ARHGEF10L: variants seen among roughly 807,000 people sequenced by gnomAD.
ARHGEF10L encodes the protein rho guanine nucleotide exchange factor 10-like protein.
A neutral mutation model predicts 141.2 loss-of-function variants in ARHGEF10L; 69 were observed. That is an observed-to-expected ratio of 0.49 (90% CI 0.40 to 0.60). The LOEUF is 0.60. Among genes scored for constraint, ARHGEF10L ranks in the 20% least tolerant of loss-of-function variants. ARHGEF10L has a pLI of 0.00. For missense variants in ARHGEF10L, 1,482 were observed against 1,734.3 expected (o/e 0.85, Z 2.58); for synonymous variants, 711 against 718.5 (o/e 0.99, Z 0.17).
At chr1:17,566,445 G>A (rs2077759474) in intron 1 of ARHGEF10L, among the ~76,000 whole-genome samples, 1 of 152,196 alleles carries the variant, frequency 6.6e-6, no homozygotes, top group African/African-American at 2.4e-5. Flanking sequence ...ATCCAATACT[G>A]TCTCCCTCCC....
intron 26 of ARHGEF10L, among the ~76,000 whole-genome samples, chr1:17,683,694 G>A (rs11203434): frequency 6.6e-6 from 1 of 152,034 alleles, no homozygotes; most frequent in African/African-American, 2.4e-5. Context: ...TTCCCCCGCC[G>A]GCCTCCCCGC....
At chr1:17,628,784 C>T (rs2060518125) in intron 15 of ARHGEF10L, among the ~76,000 whole-genome samples, 1 of 152,168 alleles carries the variant, frequency 6.6e-6, no homozygotes, top group Non-Finnish European at 1.5e-5. Context: ...GGAAGGAGTA[C>T]CCAGAGGGAG....
chr1:17,616,011 C>G (rs75911665), intron 8 of ARHGEF10L, 83 bp from the exon 9 acceptor site: 5 of 1,183,052 alleles, frequency 4.2e-6, no homozygotes, highest in Non-Finnish European at 1.3e-6. Flanking sequence ...CTCTGCAGGC[C>G]GAGGCCTGGG....
intron 27 of ARHGEF10L, chr1:17,689,723 C>T (rs1466994253): frequency 8.8e-6 from 4 of 453,734 alleles, no homozygotes; most frequent in African/African-American, 6.1e-5. Flanking sequence ...ACTATCTCCA[C>T]ATTTCCTCTG....
Position 17,619,014 on chromosome 1 carries a change from C to T in ARHGEF10L, c.836-325C>T, listed in dbSNP as rs894182845. On this transcript the variant is annotated intron_variant, in intron 9 of 28. Transcript: ENST00000361221. The surrounding 1 kb of genome is among the most constrained non-coding windows in gnomAD (Gnocchi z 5.0). ...CTAGCCTTCGCCAGGCCAGAGCGGG[C>T]GGGCCTGAGCAGGGACAGTGGCTTC... Among the ~76,000 whole-genome samples, 3 of 152,226 alleles carry T rather than the reference C, an allele frequency of 2.0e-5. No homozygotes were observed. The highest frequency in any genetic ancestry group is 1.9e-4 in the East Asian group (1 of 5,198).
chr1:17,514,159 C>T, the ARHGEF10L span, among the ~76,000 whole-genome samples: 5 of 78,116 alleles, frequency 6.4e-5, no homozygotes, highest in Non-Finnish European at 9.1e-5. Context: ...TTTTTTTTGA[C>T]AGAGTCTCGC....
In ARHGEF10L at chr1:17,574,503, G is replaced by A. The variant is rs996235678; in HGVS notation, c.-43-6050G>A. Among the ~76,000 whole-genome samples, 4 of 152,322 alleles carry A rather than the reference G, an allele frequency of 2.6e-5. No homozygotes were observed. The East Asian group carries it at 7.7e-4, about 29-fold the overall frequency. On this transcript the variant is annotated intron_variant, in intron 1 of 28. Coordinates refer to ENST00000361221, the MANE Select transcript of ARHGEF10L (RefSeq NM_018125.4). Reference sequence around the variant, plus strand: ...CATTCATTACAAACCTACCAGTGTTGTCCAATGTCATCTTATTTACACCTG... The same window carrying A: ...CATTCATTACAAACCTACCAGTGTTATCCAATGTCATCTTATTTACACCTG...
Position 17,656,007 on chromosome 1 carries a change from G to C in ARHGEF10L, c.2610G>C (p.Leu870=). The change falls in exon 24 of 29, where the codon CTG becomes CTC. Residue 870 remains leucine, a synonymous_variant. Coordinates refer to ENST00000361221, the MANE Select transcript of ARHGEF10L (RefSeq NM_018125.4). This position sits in a 1 kb window ranked among gnomAD's most constrained non-coding sequence, Gnocchi z 4.9. ...TCTGCATGGAGTATATCCCGGAGCT[G>C]GAGGAGGAGGCGGAGAGCAGAGACG... ...PVLCMEYIPE[L]EEEAESRDES... is the part of the protein sequence containing the mutation. 2.5e-6 allele frequency: 4 copies of C among 1,572,734 alleles called. No individual in the cohort carries two copies. Among genetic ancestry groups the C allele is most frequent in the Non-Finnish European group, 3.5e-6 (4 of 1,158,152 alleles).
At chr1:17,606,390 T>A (rs2081174800) in intron 6 of ARHGEF10L, among the ~76,000 whole-genome samples, 1 of 151,430 alleles carries the variant, frequency 6.6e-6, no homozygotes, top group African/African-American at 2.4e-5. Context: ...GCCTCCCGGG[T>A]TCAAGCAATT....
intron 27 of ARHGEF10L, among the ~76,000 whole-genome samples, chr1:17,692,790 A>T (rs938183032): frequency 3.3e-5 from 5 of 152,102 alleles, no homozygotes; most frequent in African/African-American, 1.2e-4. Context: ...CCTGGCCCTG[A>T]CCCATCCCCT....
chr1:17,674,319 C>T (rs1337324260), intron 26 of ARHGEF10L, among the ~76,000 whole-genome samples: 1 of 152,152 alleles, frequency 6.6e-6, no homozygotes, highest in Non-Finnish European at 1.5e-5. Context: ...AGGTGAAGAC[C>T]GGGATCTTGG....
At chr1:17,629,657 G>A (rs1477164353) in intron 15 of ARHGEF10L, among the ~76,000 whole-genome samples, 1 of 152,180 alleles carries the variant, frequency 6.6e-6, no homozygotes, top group African/African-American at 2.4e-5. Flanking sequence ...TTGGGCATGA[G>A]GGGCAGGGTC....
intron 10 of ARHGEF10L, among the ~76,000 whole-genome samples, chr1:17,620,552 G>T (rs1366407511): frequency 6.6e-6 from 1 of 152,200 alleles, no homozygotes; most frequent in Non-Finnish European, 1.5e-5. Context: ...CAGTGGTCTT[G>T]CCATCTGCTG....
intron 15 of ARHGEF10L, among the ~76,000 whole-genome samples, chr1:17,629,589 C>T (rs114562242): frequency 0.024 from 3,578 of 152,198 alleles, 150 homozygotes; most frequent in African/African-American, 0.082. Flanking sequence ...CTGGGGAAGA[C>T]GAGATGGGGA....
intron 18 of ARHGEF10L, among the ~76,000 whole-genome samples, chr1:17,637,659 C>T (rs996507970): frequency 1.3e-5 from 2 of 152,088 alleles, no homozygotes; most frequent in East Asian, 3.9e-4. Flanking sequence ...CCACCATGCC[C>T]GGCTAATTTT....
At chr1:17,647,796 G>A (rs2061686268) in intron 21 of ARHGEF10L, among the ~76,000 whole-genome samples, 1 of 152,186 alleles carries the variant, frequency 6.6e-6, no homozygotes, top group Admixed American at 6.5e-5. Context: ...ACTTCTCGGA[G>A]GAGGGGACAT....
chr1:17,632,614 C>A, intron 16 of ARHGEF10L, 148 bp downstream of exon 16: 1 of 1,100,490 alleles, frequency 9.1e-7, no homozygotes, highest in South Asian at 1.4e-5. Context: ...CCCTCTTGCC[C>A]TGCTCTGCCA....
chr1:17,575,238 AT>A (rs2078173960), intron 1 of ARHGEF10L, among the ~76,000 whole-genome samples: 1 of 152,180 alleles, frequency 6.6e-6, no homozygotes, highest in Non-Finnish European at 1.5e-5. Context: ...AGCACCACCC[AT>A]GCTCTTTGAA....
rs140218121 is a variant in ARHGEF10L at position 17,561,165 on chromosome 1, A to G, written c.-43-19388A>G. Among the ~76,000 whole-genome samples the G allele has an allele frequency of 5.6e-3, 854 of 152,312 alleles. 13 individuals carry two copies. The highest frequency in any genetic ancestry group is 0.02 in the African/African-American group (812 of 41,574). On this transcript the variant is annotated intron_variant, in intron 1 of 28. Transcript: ENST00000361221. ...TCCCAGCACGTAGTAGGTGCTCAGT[A>G]AGGTGGTTTCCCCTGCCCAGAACCT...
Sources: allele counts gnomAD v4.1 joint callset (sites outside exome capture counted in the v4.1 genomes callset), GRCh38; gene constraint gnomAD v4.1.1; non-coding constraint Gnocchi (gnomAD v3.1); transcripts MANE v1.5; gene names NCBI Gene and HGNC (gene_info 2026-07-23, HGNC 2026-07-21).